RGSL1: variants seen among roughly 807,000 people sequenced by gnomAD.
RGSL1 encodes regulator of G protein signaling protein-like.
Under a neutral mutation model 124.7 loss-of-function variants are expected in RGSL1, and 97 were observed. That is an observed-to-expected ratio of 0.78 (90% CI 0.66 to 0.92). The LOEUF (loss-of-function observed/expected upper bound fraction) is 0.92, where lower values mean the gene tolerates loss of function less well. RGSL1 is among the 40% of genes least tolerant of loss of function. RGSL1 has a pLI of 0.00. For synonymous variants in RGSL1, 424 were observed against 438.1 expected, an observed-to-expected ratio of 0.97 and a Z score of 0.40; for missense variants, 1,233 against 1,288.4, an observed-to-expected ratio of 0.96 and a Z score of 0.66.
At chr1:182,460,195 G>A (rs1039076385) in intron 4 of RGSL1, 62 bp downstream of exon 4, 65 of 1,484,280 alleles carry the variant, frequency 4.4e-5, no homozygotes, top group Admixed American at 1.8e-4. Flanking sequence ...TAGAAATATA[G>A]GAAGTCACAC....
chr1:182,481,838 G>C (rs1654731034), intron 6 of RGSL1, among the ~76,000 whole-genome samples: 1 of 152,124 alleles, frequency 6.6e-6, no homozygotes, highest in Non-Finnish European at 1.5e-5. Context: ...ATATTATCTT[G>C]GCATGGTGGC....
At chr1:182,450,304 T>A (rs1265000684) in intron 1 of RGSL1, 126 bp downstream of exon 1, 1 of 1,041,116 alleles carries the variant, frequency 9.6e-7, no homozygotes, top group Non-Finnish European at 1.5e-6. Flanking sequence ...GTGTTATTCA[T>A]GCCTTTGTTT....
At chr1:182,465,891 G>A (rs1653281345) in intron 4 of RGSL1, among the ~76,000 whole-genome samples, 1 of 152,040 alleles carries the variant, frequency 6.6e-6, no homozygotes, top group Non-Finnish European at 1.5e-5. Context: ...TATTCCTGAT[G>A]AACATTGATG....
chr1:182,500,003 A>G (rs914641167), intron 9 of RGSL1, among the ~76,000 whole-genome samples: 3 of 152,150 alleles, frequency 2.0e-5, no homozygotes, highest in African/African-American at 7.2e-5. Context: ...GATGCACAAA[A>G]GTTTTCAATT....
intron 10 of RGSL1, among the ~76,000 whole-genome samples, chr1:182,527,354 C>G (rs1480036798): frequency 6.6e-6 from 1 of 152,104 alleles, no homozygotes; most frequent in Non-Finnish European, 1.5e-5. Context: ...CTTCCTTCAT[C>G]TTCCATTAGG....
At chr1:182,466,045 C>G (rs1197205930) in intron 4 of RGSL1, among the ~76,000 whole-genome samples, 1 of 151,832 alleles carries the variant, frequency 6.6e-6, no homozygotes, top group Non-Finnish European at 1.5e-5. Flanking sequence ...ACCACATTAA[C>G]AGAATGAAAG....
At chr1:182,479,952 C>A (rs538257392) in intron 6 of RGSL1, among the ~76,000 whole-genome samples, 7 of 152,124 alleles carry the variant, frequency 4.6e-5, no homozygotes, top group Non-Finnish European at 8.8e-5. Context: ...TAAATACATA[C>A]GCACCCAACA....
At chr1:182,512,839 C>G (rs1657562591) in intron 9 of RGSL1, among the ~76,000 whole-genome samples, 3 of 152,154 alleles carry the variant, frequency 2.0e-5, no homozygotes, top group Admixed American at 2.0e-4. Flanking sequence ...AGTTTGGCTA[C>G]CCCATGGCTG....
rs944963753 is a variant in RGSL1, at chr1:182,488,295, C to A, written c.1442C>A (p.Pro481His). The A allele has an allele frequency of 3.9e-6, 6 of 1,551,974 alleles. No homozygotes were observed. In the African/African-American group the frequency reaches 8.2e-5, roughly 21 times the overall value. The change falls in exon 7 of 22, where the codon CCC (proline) becomes CAC (histidine). Residue 481 changes from proline (P) to histidine (H), a missense_variant. Transcript: ENST00000294854. ...GTGTTTGGTTTTCAGATGCTCAGTC[C>A]CTGGTATGATGAGTTTCTAGATGAA... The part of the protein sequence containing the change: ...AQKEICKMLS[P>H]WYDEFLDEED...
chr1:182,512,906 C>T (rs1657566013), intron 9 of RGSL1, among the ~76,000 whole-genome samples: 1 of 152,220 alleles, frequency 6.6e-6, no homozygotes, highest in Non-Finnish European at 1.5e-5. Context: ...TGCTCCTTCT[C>T]TCCTCTCCTT....
chr1:182,509,353 C>T (rs1384325500), intron 9 of RGSL1, among the ~76,000 whole-genome samples: 1 of 34,938 alleles, frequency 2.9e-5, no homozygotes, highest in Non-Finnish European at 8.2e-5. Flanking sequence ...GGCGGCTGGC[C>T]GGGCAGAGGG....
At chr1:182,523,336 A>C (rs1177503456) in intron 10 of RGSL1, among the ~76,000 whole-genome samples, 1 of 151,996 alleles carries the variant, frequency 6.6e-6, no homozygotes, top group Non-Finnish European at 1.5e-5. Flanking sequence ...TACCCAGCCA[A>C]GAATGTTTTC....
rs539241544 is a variant in RGSL1 at position 182,528,920 on chromosome 1, G to A, written c.2125+1148G>A. ...GGTGGAAGGCACCTGTCTACAGGGTGGCAAGAGAGATAATGAGTGCCCAGC... is the reference window on the plus strand; with the variant it reads ...GGTGGAAGGCACCTGTCTACAGGGTAGCAAGAGAGATAATGAGTGCCCAGC... On this transcript the variant is annotated intron_variant, in intron 11 of 21. Transcript: ENST00000294854. 2.6e-5 allele frequency among the ~76,000 whole-genome samples: 4 copies of A among 152,322 alleles called. No homozygotes were observed. In the East Asian group the frequency reaches 5.8e-4, roughly 22 times the overall value.
At chr1:182,527,195 GAAATCAGCAA>G (rs1438447761) in intron 10 of RGSL1, among the ~76,000 whole-genome samples, 2 of 152,134 alleles carry the variant, frequency 1.3e-5, no homozygotes, top group Non-Finnish European at 1.5e-5. Flanking sequence ...AGTGAAAGAA[GAAATCAGCAA>G]AGGAAATTTA....
Position 182,503,833 on chromosome 1 carries a change from T to C in RGSL1, c.1825+10704T>C, listed in dbSNP as rs150894644. Among the ~76,000 whole-genome samples, 32 of 152,272 alleles carry C rather than the reference T, an allele frequency of 2.1e-4. 1 individual carries two copies. Among genetic ancestry groups the C allele is most frequent in the African/African-American group, 7.5e-4 (31 of 41,548 alleles). Reference sequence around the variant, plus strand: ...CATCTTTCATGATGTAATAATTATGTATTGCATGCCTGTATCAAAACATCT... The same window carrying C: ...CATCTTTCATGATGTAATAATTATGCATTGCATGCCTGTATCAAAACATCT... On this transcript the variant is annotated intron_variant, in intron 9 of 21. Coordinates refer to ENST00000294854, the MANE Select transcript of RGSL1 (RefSeq NM_001137669.2).
chr1:182,512,417 C>A (rs1053819047), intron 9 of RGSL1, among the ~76,000 whole-genome samples: 1 of 152,112 alleles, frequency 6.6e-6, no homozygotes, highest in Non-Finnish European at 1.5e-5. Flanking sequence ...GTTCCCTGAC[C>A]CCCCCTCTGC....
intron 8 of RGSL1, among the ~76,000 whole-genome samples, chr1:182,489,940 G>A (rs1015096875): frequency 1.2e-4 from 19 of 152,216 alleles, no homozygotes; most frequent in African/African-American, 4.1e-4. Flanking sequence ...AATTATCTAT[G>A]TTGAGGCAGT....
intron 6 of RGSL1, among the ~76,000 whole-genome samples, chr1:182,476,584 A>G (rs1558268864): frequency 6.6e-6 from 1 of 152,180 alleles, no homozygotes; most frequent in Non-Finnish European, 1.5e-5. Context: ...TCATCAACTC[A>G]TTTACATGCC....
intron 1 of RGSL1, among the ~76,000 whole-genome samples, chr1:182,452,435 A>C (rs1006462922): frequency 9.9e-5 from 15 of 152,006 alleles, no homozygotes; most frequent in Admixed American, 2.6e-4. Context: ...TGTCACTCAC[A>C]ATAGTGTTTA....
Sources: allele counts gnomAD v4.1 joint callset (sites outside exome capture counted in the v4.1 genomes callset), GRCh38; gene constraint gnomAD v4.1.1; transcripts MANE v1.5; gene names NCBI Gene and HGNC (gene_info 2026-07-23, HGNC 2026-07-21).